The following MRC1 variants were observed in gnomAD, a reference collection of about 807,000 sequenced individuals.
MRC1 encodes macrophage mannose receptor 1.
Under a neutral mutation model 102.9 loss-of-function variants are expected in MRC1, and 62 were observed. The observed-to-expected ratio is 0.60, with a 90% CI of 0.49 to 0.74. MRC1 has a LOEUF of 0.74. Ranked by LOEUF, MRC1 falls within the 30% of genes least tolerant of loss-of-function variation. MRC1 has a pLI of 0.00. For missense variants in MRC1, 1,237 were observed against 862.8 expected, an observed-to-expected ratio of 1.43 and a Z score of -5.43; for synonymous variants, 457 against 298.4, an observed-to-expected ratio of 1.53 and a Z score of -5.48.
chr10:17,827,486 G>C (rs2296413), intron 2 of MRC1, 56 bp from the exon 3 acceptor site: 101,555 of 610,874 alleles, frequency 0.17, 9,716 homozygotes, highest in Middle Eastern at 0.23. Flanking sequence ...TTATTGGAAA[G>C]TTAATGTTCA....
chr10:17,832,117 T>C (rs1838583434), intron 3 of MRC1, among the ~76,000 whole-genome samples: 1 of 151,666 alleles, frequency 6.6e-6, no homozygotes, highest in Admixed American at 6.5e-5. Flanking sequence ...CAGGCCAGTC[T>C]GTCTGCAGGA....
chr10:17,879,269 A>G (rs1833480278), intron 18 of MRC1, among the ~76,000 whole-genome samples: 1 of 151,976 alleles, frequency 6.6e-6, no homozygotes, highest in Admixed American at 6.6e-5. Context: ...CACACCACAT[A>G]CTCAGGCATT....
chr10:17,816,844 A>G (rs941384683), intron 1 of MRC1, among the ~76,000 whole-genome samples: 1 of 152,220 alleles, frequency 6.6e-6, no homozygotes, highest in Non-Finnish European at 1.5e-5. Context: ...AATGTAGCAT[A>G]TCATACTTAT....
chr10:17,823,823 G>A (rs1156467139), intron 2 of MRC1, among the ~76,000 whole-genome samples: 2 of 152,126 alleles, frequency 1.3e-5, no homozygotes, highest in East Asian at 1.9e-4. Flanking sequence ...TAAAGTTGTA[G>A]TGATAAATAC....
At chr10:17,839,980 C>T (rs1216859049) in intron 4 of MRC1, among the ~76,000 whole-genome samples, 3 of 147,420 alleles carry the variant, frequency 2.0e-5, no homozygotes, top group African/African-American at 5.1e-5. Flanking sequence ...GCAGGAGAAT[C>T]GCTTGAACCC....
chr10:17,831,179 G>A (rs949377812), intron 3 of MRC1, among the ~76,000 whole-genome samples: 28 of 150,694 alleles, frequency 1.9e-4, no homozygotes, highest in Non-Finnish European at 3.2e-4. Context: ...GCAGTCGTGA[G>A]CCATGGCGCC....
At chr10:17,899,982 C>A (rs1472839287) in intron 24 of MRC1, among the ~76,000 whole-genome samples, 1 of 151,178 alleles carries the variant, frequency 6.6e-6, no homozygotes, top group Admixed American at 6.6e-5. Flanking sequence ...GCCTTAATCC[C>A]AGCTACTTGG....
chr10:17,875,005 T>C, intron 16 of MRC1, 85 bp from the exon 17 acceptor site: 6 of 778,282 alleles, frequency 7.7e-6, no homozygotes, highest in Non-Finnish European at 1.4e-5. Flanking sequence ...AGCAGCTCTA[T>C]CCCTTTCACC....
chr10:17,882,476 C>T (rs1833533826), intron 21 of MRC1, among the ~76,000 whole-genome samples: 1 of 151,876 alleles, frequency 6.6e-6, no homozygotes, highest in African/African-American at 2.4e-5. Flanking sequence ...TGGTAGGAGA[C>T]ATATGGACTG....
chr10:17,876,107 A>G (rs1436875034), intron 17 of MRC1, among the ~76,000 whole-genome samples: 1 of 152,158 alleles, frequency 6.6e-6, no homozygotes, highest in Non-Finnish European at 1.5e-5. Context: ...GGTACCCCCT[A>G]GTAGAATTTC....
intron 21 of MRC1, among the ~76,000 whole-genome samples, chr10:17,884,987 C>T (rs1035514904): frequency 1.4e-4 from 21 of 152,188 alleles, no homozygotes; most frequent in Admixed American, 3.9e-4. Context: ...CAGATAGGGG[C>T]GCACAGAATG....
chr10:17,848,034 C>T (rs1370765622), intron 6 of MRC1, among the ~76,000 whole-genome samples: 1 of 151,550 alleles, frequency 6.6e-6, no homozygotes, highest in Non-Finnish European at 1.5e-5. Context: ...ATTTGAGCCT[C>T]ATGACTGAGT....
chr10:17,859,884 G>T (rs1485795437), intron 9 of MRC1, among the ~76,000 whole-genome samples: 1 of 152,144 alleles, frequency 6.6e-6, no homozygotes, highest in Non-Finnish European at 1.5e-5. Context: ...TCAAACTCAG[G>T]AATTGTTTTT....
At chr10:17,833,937 C>T (rs1838622049) in intron 4 of MRC1, 98 bp downstream of exon 4, 1 of 708,494 alleles carries the variant, frequency 1.4e-6, no homozygotes, top group African/African-American at 1.8e-5. Context: ...GATGTTATGA[C>T]AGAAGCAATT....
chr10:17,903,140 T>C (rs1833850930), intron 26 of MRC1, among the ~76,000 whole-genome samples: 1 of 152,162 alleles, frequency 6.6e-6, no homozygotes, highest in South Asian at 2.1e-4. Flanking sequence ...GCGTCTTTTT[T>C]AGACAGCACA....
intron 4 of MRC1, 93 bp from the exon 5 acceptor site, chr10:17,840,600 T>A (rs1838736029): frequency 1.3e-6 from 1 of 761,330 alleles, no homozygotes; most frequent in African/African-American, 1.7e-5. Flanking sequence ...CTCAGTGACA[T>A]TTTGATTCAA....
chr10:17,892,081 A>G (rs995837505), intron 22 of MRC1, among the ~76,000 whole-genome samples: 14 of 152,284 alleles, frequency 9.2e-5, no homozygotes, highest in Middle Eastern at 3.4e-3. Context: ...AACCGCAGTT[A>G]GTTAGGCACT....
intron 3 of MRC1, among the ~76,000 whole-genome samples, chr10:17,829,425 G>A (rs1039327315): frequency 7.3e-5 from 11 of 151,238 alleles, no homozygotes; most frequent in South Asian, 6.2e-4. Context: ...TCTCCAATCC[G>A]AATGAATACT....
Position 17,853,073 on chromosome 10 carries a change from A to G in MRC1, c.1356A>G (p.Glu452=), listed in dbSNP as rs782276319. ...CGTTTACCAAATGGCTTCGTGGAGAACCAAGCCATGAAAACAACAGACAGG... is the reference window on the plus strand; with the variant it reads ...CGTTTACCAAATGGCTTCGTGGAGAGCCAAGCCATGAAAACAACAGACAGG... The part of the protein sequence containing the change: ...PVTFTKWLRG[E]PSHENNRQED... Residue 452 remains glutamate, a synonymous_variant, in exon 8 of 30, where the codon GAA becomes GAG. Transcript: ENST00000569591. 23,128 of 780,836 alleles carry G rather than the reference A, an allele frequency of 0.03. 763 individuals are homozygous for G. Among genetic ancestry groups the G allele is most frequent in the South Asian group, 0.11 (7,955 of 74,602 alleles). 48.4% of individuals were successfully genotyped at this position (780,836 alleles called of 1,614,324 possible). A position where few individuals can be genotyped will look rare whatever the true frequency, so the allele number is the denominator to read the frequency against.
Sources: allele counts gnomAD v4.1 joint callset (sites outside exome capture counted in the v4.1 genomes callset), GRCh38; gene constraint gnomAD v4.1.1; transcripts MANE v1.5; gene names NCBI Gene and HGNC (gene_info 2026-07-23, HGNC 2026-07-21).